Variants in POGLUT1 observed in about 807,000 individuals in gnomAD.
POGLUT1 encodes 9630046K23Rik.
POGLUT1 carries 32 observed loss-of-function variants against 61.3 expected under a neutral mutation model. The ratio of observed to expected loss-of-function variants is 0.52; its 90% CI spans 0.39 to 0.70. POGLUT1 has a LOEUF of 0.70. Ranked by LOEUF, POGLUT1 falls within the 30% of genes least tolerant of loss-of-function variation. The pLI is 0.00. For synonymous variants in POGLUT1, 158 were observed against 158.2 expected (o/e 1.00, Z 0.01); for missense variants, 411 against 469.8 (o/e 0.87, Z 1.16).
At chr3:119,485,590 A>G (rs949943067) in intron 6 of POGLUT1, among the ~76,000 whole-genome samples, 1 of 152,278 alleles carries the variant, frequency 6.6e-6, no homozygotes, top group Non-Finnish European at 1.5e-5. Flanking sequence ...TCAAAGAAGT[A>G]AAGTTCATCC....
intron 9 of POGLUT1, 39 bp downstream of exon 9, chr3:119,490,757 C>T: frequency 6.4e-7 from 1 of 1,563,738 alleles, no homozygotes. Context: ...TCTAAAGACC[C>T]TTCCAATCTG....
At chr3:119,491,777 G>T (rs1252474530) in intron 10 of POGLUT1, among the ~76,000 whole-genome samples, 1 of 152,168 alleles carries the variant, frequency 6.6e-6, no homozygotes, top group Non-Finnish European at 1.5e-5. Context: ...AAGATGGGCC[G>T]GGCGTGGTGG....
rs1445434288 is a variant in POGLUT1, at chr3:119,493,905, C to T, written c.*1467C>T. 4.8e-5 allele frequency: 7 copies of T among 146,796 alleles called. No individual in the cohort carries two copies. Among genetic ancestry groups the T allele is most frequent in the Non-Finnish European group, 7.4e-5 (5 of 67,698 alleles). The allele number at this position is 146,796 out of a possible 1,614,324, so 9.1% of individuals were successfully genotyped here. A position where few individuals can be genotyped will look rare whatever the true frequency, so the allele number is the denominator to read the frequency against. ...CAATAGGCAGTCCAGATTTCTGAGT[C>T]GTACTATGGTTTTGCCTTGTCACTG... On this transcript the variant is annotated 3_prime_UTR_variant, in exon 11 of 11. Transcript: ENST00000295588.
At chr3:119,480,942 G>A (rs2081599477) in intron 5 of POGLUT1, among the ~76,000 whole-genome samples, 1 of 151,896 alleles carries the variant, frequency 6.6e-6, no homozygotes, top group Non-Finnish European at 1.5e-5. Context: ...GTTTTGCCAT[G>A]TTGCCCAGGC....
chr3:119,473,917 C>A (rs948945543), intron 3 of POGLUT1, among the ~76,000 whole-genome samples: 7 of 152,120 alleles, frequency 4.6e-5, no homozygotes, highest in Non-Finnish European at 8.8e-5. Flanking sequence ...CCTCGGCCTC[C>A]CAAAGTGCTG....
In POGLUT1 at chr3:119,493,426, C is replaced by T. The variant is rs2081777202; in HGVS notation, c.*988C>T. On this transcript the variant is annotated 3_prime_UTR_variant, in exon 11 of 11. Coordinates refer to ENST00000295588, the MANE Select transcript of POGLUT1 (RefSeq NM_152305.3). ...GAGTGCCTCCCTTTTCCTTTTTTCA[C>T]TTTTTGAAAAAGATGTTTTGGGTAG... The T allele has an allele frequency of 6.6e-6, 1 of 152,036 alleles. No individual in the cohort carries two copies. The highest frequency in any genetic ancestry group is 2.1e-4 in the South Asian group (1 of 4,828). 9.4% of individuals were successfully genotyped at this position (152,036 alleles called of 1,614,324 possible).
rs201932408 is a variant in POGLUT1, at chr3:119,493,144, G to T, written c.*706G>T. On this transcript the variant is annotated 3_prime_UTR_variant, in exon 11 of 11. Transcript: ENST00000295588. The stretch of plus-strand genomic sequence containing the variant: ...CCCTACTTCTTAATGCCTCTCTAAA[G>T]CCAAAAAAAAAAAAAAAGACAAAGC... 3.3e-5 allele frequency: 1 copy of T among 30,256 alleles called. No individual in the cohort carries two copies. 1.9% of individuals were successfully genotyped at this position (30,256 alleles called of 1,614,324 possible).
chr3:119,491,191 ATATT>A (rs1478728081), intron 9 of POGLUT1, among the ~76,000 whole-genome samples: 10 of 147,922 alleles, frequency 6.8e-5, no homozygotes, highest in African/African-American at 2.4e-4. Flanking sequence ...ATATATAAAT[ATATT>A]TATATATAAA....
intron 5 of POGLUT1, among the ~76,000 whole-genome samples, chr3:119,482,094 C>G (rs1472517043): frequency 6.6e-6 from 1 of 152,068 alleles, no homozygotes; most frequent in Non-Finnish European, 1.5e-5. Context: ...TTTTTTTTCC[C>G]TAAGTTATTC....
At chr3:119,478,411 C>T (rs767299840) in intron 4 of POGLUT1, 2 of 456,546 alleles carry the variant, frequency 4.4e-6, no homozygotes, top group South Asian at 1.5e-5. Context: ...CCTCATTTCT[C>T]GAAAGTGTTT....
At chr3:119,486,128 T>G (rs2081661117) in intron 6 of POGLUT1, among the ~76,000 whole-genome samples, 1 of 152,210 alleles carries the variant, frequency 6.6e-6, no homozygotes, top group Non-Finnish European at 1.5e-5. Context: ...ATGTCCTGTT[T>G]CTTACCAACT....
intron 3 of POGLUT1, among the ~76,000 whole-genome samples, chr3:119,476,078 C>A (rs1452944128): frequency 6.6e-6 from 1 of 151,758 alleles, no homozygotes; most frequent in African/African-American, 2.4e-5. Context: ...ATTGCTTGAG[C>A]CTAGGATTTT....
At position 119,471,358 on chromosome 3, in the gene POGLUT1, A is replaced by G. The variant is rs748103545; in HGVS notation, c.226A>G (p.Met76Val). The stretch of plus-strand genomic sequence containing the variant: ...TTTCCGAGGAGGCATCTCCAGGAAG[A>G]TGATGGCAGAGGTAGTCAGACGGAA... The part of the protein sequence containing the change: ...TPFRGGISRK[M>V]MAEVVRRKLG... The change falls in exon 3 of 11, where the codon ATG (methionine) becomes GTG (valine). Residue 76 changes from methionine to valine, a missense_variant. Coordinates refer to ENST00000295588, the MANE Select transcript of POGLUT1 (RefSeq NM_152305.3). 1 of 1,613,928 alleles carries G rather than the reference A, an allele frequency of 6.2e-7. No homozygotes were observed. Among genetic ancestry groups the G allele is most frequent in the South Asian group, 1.1e-5 (1 of 91,084 alleles).
chr3:119,471,870 C>G (rs60368004), intron 3 of POGLUT1: 1 of 220,220 alleles, frequency 4.5e-6, no homozygotes, highest in Admixed American at 5.8e-5. Context: ...AGAGGAGTAA[C>G]TAGATGGGGT....
intron 1 of POGLUT1, 146 bp downstream of exon 1, chr3:119,469,252 G>C: frequency 1.5e-6 from 1 of 667,180 alleles, no homozygotes; most frequent in Non-Finnish European, 2.6e-6. Context: ...GCGCCTTGCG[G>C]CGGAGAGTGA....
rs1264455394 is a variant in POGLUT1, at chr3:119,490,695, C to G, written c.942C>G (p.Val314=). ...AGCCATGGGTTCACTATATCCCAGT[C>G]AAAACAGATCTCTCCAATGTCCAGT... is the stretch of plus-strand genomic sequence containing the variant. ...QLKPWVHYIP[V]KTDLSNVQEL... The change falls in exon 9 of 11, where the codon GTC becomes GTG. Residue 314 remains valine (V), a synonymous_variant. Transcript: ENST00000295588. 5 of 1,613,994 alleles carry G rather than the reference C, an allele frequency of 3.1e-6. No homozygotes were observed. The South Asian group carries it at 5.5e-5, about 18-fold the overall frequency.
chr3:119,486,815 C>T lies in POGLUT1; in HGVS notation c.639-18C>T, dbSNP rs762686086. ...TAATACAGGCCACACAGTTTTATGT[C>T]ACGTGTTTCTTTTATAGGACAAGTC... On this transcript the variant is annotated intron_variant, in intron 6 of 10. Coordinates refer to ENST00000295588, the MANE Select transcript of POGLUT1 (RefSeq NM_152305.3). The T allele has an allele frequency of 6.9e-5, 107 of 1,540,008 alleles. No individual in the cohort carries two copies. The highest frequency in any genetic ancestry group is 9.4e-5 in the Non-Finnish European group (105 of 1,112,900).
chr3:119,469,737 C>T (rs149490633), intron 1 of POGLUT1, 83 bp from the exon 2 acceptor site: 7 of 713,032 alleles, frequency 9.8e-6, no homozygotes, highest in African/African-American at 7.1e-5. Flanking sequence ...AAGTTTTGGT[C>T]TTCTGTTTCT....
At chr3:119,483,475 AT>A (rs2081629936) in intron 5 of POGLUT1, among the ~76,000 whole-genome samples, 1 of 152,246 alleles carries the variant, frequency 6.6e-6, no homozygotes, top group Non-Finnish European at 1.5e-5. Context: ...AAAGGACCTC[AT>A]TTGTAAAATA....
Sources: allele counts gnomAD v4.1 joint callset (sites outside exome capture counted in the v4.1 genomes callset), GRCh38; gene constraint gnomAD v4.1.1; transcripts MANE v1.5; gene names NCBI Gene and HGNC (gene_info 2026-07-23, HGNC 2026-07-21).